The following RASSF8 variants were observed in gnomAD, a reference collection of about 807,000 sequenced individuals.
The protein encoded by RASSF8 is Ras association domain family member 8, also known as ras association domain-containing protein 8.
In RASSF8, 22 loss-of-function variants were observed where a neutral mutation model predicts 48.5. The observed-to-expected ratio is 0.45, with a 90% CI of 0.32 to 0.65. The LOEUF (loss-of-function observed/expected upper bound fraction) is 0.65. Ranked by LOEUF, RASSF8 falls within the 30% of genes least tolerant of loss-of-function variation. The pLI is 0.03. For synonymous variants in RASSF8, 127 were observed against 171.5 expected, an observed-to-expected ratio of 0.74 and a Z score of 2.03; for missense variants, 418 against 489.2, an observed-to-expected ratio of 0.85 and a Z score of 1.37.
downstream of RASSF8, among the ~76,000 whole-genome samples, chr12:26,076,804 G>A (rs1447714694): frequency 1.3e-5 from 2 of 152,110 alleles, no homozygotes; most frequent in African/African-American, 4.8e-5. Context: ...TGGGTCAGAT[G>A]GTATTTCTAG....
intron 3 of RASSF8, among the ~76,000 whole-genome samples, chr12:26,059,660 A>G (rs1943696214): frequency 6.6e-6 from 1 of 152,130 alleles, no homozygotes; most frequent in Non-Finnish European, 1.5e-5. Context: ...CAATTTTAAT[A>G]TTTATAACAA....
chr12:26,023,242 T>A (rs1346510438), intron 2 of RASSF8, among the ~76,000 whole-genome samples: 2 of 151,950 alleles, frequency 1.3e-5, no homozygotes, highest in African/African-American at 4.8e-5. Flanking sequence ...AATAAAAAAA[T>A]TAAAAGAAGT....
intron 2 of RASSF8, among the ~76,000 whole-genome samples, chr12:26,005,095 G>T (rs1477153073): frequency 1.3e-5 from 2 of 151,936 alleles, no homozygotes; most frequent in Non-Finnish European, 2.9e-5. Context: ...AGTTTCTTGG[G>T]TTTCTCTGCA....
At chr12:25,976,136 C>T (rs1372755740) in intron 1 of RASSF8, among the ~76,000 whole-genome samples, 2 of 152,162 alleles carry the variant, frequency 1.3e-5, no homozygotes, top group Non-Finnish European at 2.9e-5. Context: ...GAACCTAAGG[C>T]TGTTTCATGC....
rs1258082760 is a variant in RASSF8, at chr12:26,071,911, A to G, written c.*3093A>G. The G allele has an allele frequency of 3.0e-6, 3 of 985,064 alleles. No individual in the cohort carries two copies. Among genetic ancestry groups the G allele is most frequent in the African/African-American group, 1.7e-5 (1 of 57,252 alleles). The allele number at this position is 985,064 out of a possible 1,614,324, so 61.0% of individuals were successfully genotyped here. A position where few individuals can be genotyped will look rare whatever the true frequency, so the allele number is the denominator to read the frequency against. Reference sequence around the variant, plus strand: ...CTTCCACAGCATAAATGTAATTTACATCTGCATTAAAGGATAATTTTCTCT... The same window carrying G: ...CTTCCACAGCATAAATGTAATTTACGTCTGCATTAAAGGATAATTTTCTCT... On this transcript the variant is annotated 3_prime_UTR_variant, in exon 6 of 6. Transcript: ENST00000689635.
intron 1 of RASSF8, among the ~76,000 whole-genome samples, chr12:25,985,509 G>C (rs924049997): frequency 3.9e-5 from 6 of 152,220 alleles, no homozygotes; most frequent in Non-Finnish European, 7.3e-5. Flanking sequence ...CAGGGCCTTA[G>C]CTCTGTGTAA....
At chr12:25,961,030 A>G (rs765925499) in intron 1 of RASSF8, among the ~76,000 whole-genome samples, 2 of 152,152 alleles carry the variant, frequency 1.3e-5, no homozygotes, top group Non-Finnish European at 1.5e-5. Flanking sequence ...TATTTTTTTA[A>G]GGTTGCAACC....
intron 1 of RASSF8, among the ~76,000 whole-genome samples, chr12:25,970,412 A>G (rs706529): frequency 0.58 from 88,009 of 151,812 alleles, 26,323 homozygotes; most frequent in South Asian, 0.71. Flanking sequence ...TGTCTTTCCT[A>G]TGCCACCTCA....
intron 1 of RASSF8, among the ~76,000 whole-genome samples, chr12:25,977,874 T>C (rs760959070): frequency 4.6e-5 from 7 of 152,154 alleles, no homozygotes; most frequent in Non-Finnish European, 1.0e-4. Flanking sequence ...GGATTGACAC[T>C]GAGAGACACT....
chr12:26,052,092 G>A (rs1186096858), intron 2 of RASSF8, among the ~76,000 whole-genome samples: 3 of 152,182 alleles, frequency 2.0e-5, no homozygotes, highest in Middle Eastern at 3.2e-3. Flanking sequence ...AGCTGGGAGC[G>A]TGTGTGTCAG....
chr12:26,069,054 G>A lies in RASSF8; in HGVS notation c.*236G>A. On this transcript the variant is annotated 3_prime_UTR_variant, in exon 6 of 6. Coordinates refer to ENST00000689635, the MANE Select transcript of RASSF8 (RefSeq NM_001394098.1). ...TTTTGTCCAGCAGCTATAATGCAAA[G>A]CCTTCGTTTTTATTTGTAGCATTTT... The A allele has an allele frequency of 1.7e-6, 2 of 1,179,642 alleles. No individual in the cohort carries two copies. The highest frequency in any genetic ancestry group is 2.1e-6 in the Non-Finnish European group (2 of 950,388). The allele number at this position is 1,179,642 out of a possible 1,614,324, so 73.1% of individuals were successfully genotyped here.
intron 2 of RASSF8, among the ~76,000 whole-genome samples, chr12:26,031,201 T>C (rs1457303043): frequency 6.6e-6 from 1 of 151,980 alleles, no homozygotes; most frequent in South Asian, 2.1e-4. Flanking sequence ...TTTTTTGAGG[T>C]ATTATGAGGG....
chr12:26,001,670 G>C (rs745752258), intron 2 of RASSF8, among the ~76,000 whole-genome samples: 8 of 151,826 alleles, frequency 5.3e-5, no homozygotes, highest in Admixed American at 1.3e-4. Flanking sequence ...ACATCCTGTC[G>C]TACTGGAAGG....
chr12:26,041,426 A>T (rs574359325), intron 2 of RASSF8, among the ~76,000 whole-genome samples: 20 of 152,308 alleles, frequency 1.3e-4, no homozygotes, highest in African/African-American at 4.8e-4. Flanking sequence ...GAAATGCATG[A>T]ATCTCCTTGG....
At chr12:26,054,527 GGA>G (rs1307500510) in intron 2 of RASSF8, among the ~76,000 whole-genome samples, 2 of 152,154 alleles carry the variant, frequency 1.3e-5, no homozygotes, top group African/African-American at 4.8e-5. Flanking sequence ...GGTCGTCAAA[GGA>G]ATTCGTTTCC....
chr12:26,055,124 T>G, intron 2 of RASSF8, 112 bp from the exon 3 acceptor site: 1 of 518,678 alleles, frequency 1.9e-6, no homozygotes, highest in Non-Finnish European at 3.5e-6. Flanking sequence ...AATAAGCCTG[T>G]GTACTTCAGT....
At chr12:26,067,816 A>G (rs1204056979) in intron 5 of RASSF8, 103 bp downstream of exon 5, 25 of 1,443,990 alleles carry the variant, frequency 1.7e-5, no homozygotes, top group Non-Finnish European at 2.2e-5. Context: ...CCAGGCTGGA[A>G]TGCCAGGGGT....
At chr12:26,037,649 T>A (rs1321249125) in intron 2 of RASSF8, among the ~76,000 whole-genome samples, 1 of 152,196 alleles carries the variant, frequency 6.6e-6, no homozygotes, top group Non-Finnish European at 1.5e-5. Context: ...CTTAGCACAG[T>A]GAATTCAGGT....
At chr12:26,035,417 G>T (rs867515545) in intron 2 of RASSF8, among the ~76,000 whole-genome samples, 1,011 of 34,096 alleles carry the variant, frequency 0.03, 18 homozygotes, top group African/African-American at 0.086. Flanking sequence ...AATTATATAA[G>T]TATATGAAAT....
Sources: gnomAD v4.1 joint callset for allele counts (sites outside exome capture counted in the v4.1 genomes callset) on GRCh38, gnomAD v4.1.1 for gene constraint, MANE v1.5 for transcripts, NCBI Gene and HGNC (gene_info 2026-07-23, HGNC 2026-07-21) for gene names.